HS1BP3: variants seen among roughly 807,000 people sequenced by gnomAD.
The protein encoded by HS1BP3 is HCLS1 binding protein 3, also known as HCLS1-binding protein 3.
A neutral mutation model predicts 33.5 loss-of-function variants in HS1BP3; 32 were observed. That is an observed-to-expected ratio of 0.95 (90% confidence interval 0.72 to 1.28). The LOEUF is 1.28. HS1BP3 is among the 50% of genes most tolerant of loss of function. The probability of loss-of-function intolerance (pLI) is 0.00; values close to 1 mark genes in which losing one functional copy is unlikely to be tolerated. For missense variants in HS1BP3, 486 were observed against 502.3 expected (o/e 0.97, Z 0.31); for synonymous variants, 187 against 209.2 (o/e 0.89, Z 0.92).
chr2:20,644,746 G>A (rs1695463918), intron 2 of HS1BP3, among the ~76,000 whole-genome samples: 1 of 152,170 alleles, frequency 6.6e-6, no homozygotes, highest in East Asian at 1.9e-4. Flanking sequence ...GCTCTCAGCA[G>A]ATTGGCTGGT....
chr2:20,626,295 CTCCCTGCTGGAAGGT>C (rs1694783160), intron 4 of HS1BP3, among the ~76,000 whole-genome samples: 1 of 152,260 alleles, frequency 6.6e-6, no homozygotes, highest in Non-Finnish European at 1.5e-5. Context: ...GCCAGGAAGG[CTCCCTGCTGGAAGGT>C]TCCCTGCTGG....
intron 2 of HS1BP3, among the ~76,000 whole-genome samples, chr2:20,642,496 G>A (rs185437360): frequency 5.9e-5 from 9 of 152,324 alleles, no homozygotes; most frequent in African/African-American, 1.7e-4. Flanking sequence ...TTCCCAGAGC[G>A]ATTGCTAACA....
At chr2:20,568,654 C>T (rs7565075) in intron 5 of HS1BP3, among the ~76,000 whole-genome samples, 138,444 of 152,190 alleles carry the variant, frequency 0.91, 63,219 homozygotes, top group East Asian at 1. Flanking sequence ...TCTGTGGCAG[C>T]AGCTCCTGGA....
Position 20,618,923 on chromosome 2 carries a change from C to A in HS1BP3, c.*64G>T, listed in dbSNP as rs1572337591. ...AGGTTCTGACCCTGCAGGGCCCAGTCCCTTCCCTTCACACCGATGTCCCCA... is the reference window on the plus strand; with the variant it reads ...AGGTTCTGACCCTGCAGGGCCCAGTACCTTCCCTTCACACCGATGTCCCCA... On this transcript the variant is annotated 3_prime_UTR_variant, in exon 7 of 7. Transcript: ENST00000304031. 7 of 1,554,946 alleles carry A rather than the reference C, an allele frequency of 4.5e-6. No homozygotes were observed. Among genetic ancestry groups the A allele is most frequent in the Non-Finnish European group, 1.7e-6 (2 of 1,150,302 alleles).
chr2:20,634,999 G>C (rs565731539), intron 4 of HS1BP3: 1 of 151,966 alleles, frequency 6.6e-6, no homozygotes, highest in South Asian at 2.1e-4. Flanking sequence ...CCTGGAGGGG[G>C]TCCCTGTGTG....
At chr2:20,557,417 T>C (rs1692866338), downstream of HS1BP3, among the ~76,000 whole-genome samples, 1 of 152,232 alleles carries the variant, frequency 6.6e-6, no homozygotes, top group African/African-American at 2.4e-5. Flanking sequence ...GCTGCTGATC[T>C]CTGTTGGGCC....
intron 5 of HS1BP3, among the ~76,000 whole-genome samples, chr2:20,573,402 G>A (rs886554844): frequency 3.3e-5 from 5 of 152,170 alleles, no homozygotes; most frequent in Non-Finnish European, 5.9e-5. Context: ...ACCACAACCC[G>A]TGGTACTTTG....
intron 5 of HS1BP3, among the ~76,000 whole-genome samples, chr2:20,582,013 C>T (rs1181124027): frequency 6.6e-6 from 1 of 152,182 alleles, no homozygotes; most frequent in East Asian, 1.9e-4. Context: ...TTGAGCCAGG[C>T]CTGCACAAAA....
At chr2:20,565,730 G>A (rs1366787768) in intron 5 of HS1BP3, among the ~76,000 whole-genome samples, 2 of 152,222 alleles carry the variant, frequency 1.3e-5, no homozygotes, top group Admixed American at 6.5e-5. Flanking sequence ...CAGGGAGCAG[G>A]GCTCTCCAGG....
chr2:20,572,548 T>C (rs979493087), intron 5 of HS1BP3, among the ~76,000 whole-genome samples: 2 of 152,188 alleles, frequency 1.3e-5, no homozygotes, highest in African/African-American at 4.8e-5. Flanking sequence ...CTCACTCAAC[T>C]GTGAGATCTC....
chr2:20,619,094 C>T lies in HS1BP3; in HGVS notation c.1072G>A (p.Gly358Arg), dbSNP rs1164930204. The T allele has an allele frequency of 6.2e-7, 1 of 1,614,064 alleles. No individual in the cohort carries two copies. Among genetic ancestry groups the T allele is most frequent in the East Asian group, 2.2e-5 (1 of 44,892 alleles). The stretch of plus-strand genomic sequence containing the variant: ...ATCTGCTCCTGCGGCTTCTGCTGCC[C>T]AGCCACAGCTTCAGCCGGGCCCGCT... The part of the protein sequence containing the change: ...PKAGPAEAVA[G>R]QQKPQEQIQA... The change falls in exon 7 of 7, where the codon GGG (glycine) becomes AGG (arginine). Residue 358 changes from glycine to arginine, a missense_variant. Physicochemically the swap from Gly to Arg is moderately radical, Grantham distance 125. Transcript: ENST00000304031.
At chr2:20,579,555 GC>G (rs751419776) in intron 5 of HS1BP3, among the ~76,000 whole-genome samples, 57 of 152,332 alleles carry the variant, frequency 3.7e-4, no homozygotes, top group Non-Finnish European at 7.3e-4. Flanking sequence ...TGCCTTGGAA[GC>G]CCCCCGGCAT....
At chr2:20,578,106 G>A (rs1479880416) in intron 5 of HS1BP3, among the ~76,000 whole-genome samples, 1 of 152,186 alleles carries the variant, frequency 6.6e-6, no homozygotes. Context: ...GTCCCCTCAG[G>A]CAACTTGCTG....
chr2:20,646,097 G>A (rs1475007547), intron 1 of HS1BP3, among the ~76,000 whole-genome samples: 2 of 152,208 alleles, frequency 1.3e-5, no homozygotes, highest in Non-Finnish European at 2.9e-5. Flanking sequence ...AAACATCACC[G>A]CTCTTGGAGA....
At chr2:20,628,892 G>T (rs1694878724) in intron 4 of HS1BP3, among the ~76,000 whole-genome samples, 1 of 152,158 alleles carries the variant, frequency 6.6e-6, no homozygotes, top group African/African-American at 2.4e-5. Flanking sequence ...TGGTGAAAGG[G>T]GACCCCTTAG....
chr2:20,568,286 T>C (rs762593696), intron 5 of HS1BP3, among the ~76,000 whole-genome samples: 3 of 152,018 alleles, frequency 2.0e-5, no homozygotes, highest in African/African-American at 4.8e-5. Flanking sequence ...AGGAGTCCCG[T>C]GGCTACCTGG....
At chr2:20,633,967 C>A (rs1042977897) in intron 4 of HS1BP3, among the ~76,000 whole-genome samples, 2 of 152,352 alleles carry the variant, frequency 1.3e-5, no homozygotes, top group African/African-American at 4.8e-5. Context: ...GGCTTTGGGT[C>A]CCCAGCCAGG....
At chr2:20,567,423 G>A (rs1358898550) in intron 5 of HS1BP3, among the ~76,000 whole-genome samples, 2 of 152,182 alleles carry the variant, frequency 1.3e-5, no homozygotes, top group African/African-American at 4.8e-5. Context: ...TGCTTGCAGG[G>A]CCACAGGAGG....
At position 20,638,643 on chromosome 2, in the gene HS1BP3, G is replaced by A. The variant is rs765700359; in HGVS notation, c.416C>T (p.Ser139Phe). 3 of 1,613,382 alleles carry A rather than the reference G, an allele frequency of 1.9e-6. No individual in the cohort carries two copies. Among genetic ancestry groups the A allele is most frequent in the Non-Finnish European group, 2.5e-6 (3 of 1,179,538 alleles). Residue 139 changes from serine to phenylalanine, a missense_variant, in exon 4 of 7, where the codon TCC (serine) becomes TTC (phenylalanine). Coordinates refer to ENST00000304031, the MANE Select transcript of HS1BP3 (RefSeq NM_022460.4). The part of the protein sequence containing the change: ...PELLEFLGTR[S>F]PGAAGLTSRD... ...GCTGGTGAGCCCTGCAGCCCCTGGG[G>A]ATCTGGTACCTGTGGAGGAAGACAG...
Sources: gnomAD v4.1 joint callset for allele counts (sites outside exome capture counted in the v4.1 genomes callset) on GRCh38, gnomAD v4.1.1 for gene constraint, MANE v1.5 for transcripts, NCBI Gene and HGNC (gene_info 2026-07-23, HGNC 2026-07-21) for gene names.